Variants in DMD observed in about 807,000 individuals in gnomAD.
DMD encodes mutant dystrophin.
DMD carries 63 observed loss-of-function variants against 330.1 expected under a neutral mutation model. The ratio of observed to expected loss-of-function variants is 0.19; its 90% CI spans 0.16 to 0.24. The LOEUF is 0.24. Ranked by LOEUF, DMD falls within the 10% of genes least tolerant of loss-of-function variation. The probability of loss-of-function intolerance (pLI) is 1.00; values close to 1 mark genes in which losing one functional copy is unlikely to be tolerated. For synonymous variants in DMD, 1,223 were observed against 959.8 expected (o/e 1.27, Z -5.07); for missense variants, 3,344 against 2,684.1 (o/e 1.25, Z -5.43).
At chrX:32,831,296 G>T in intron 4 of DMD, among the ~76,000 whole-genome samples, 1 of 110,354 alleles carries the variant, frequency 9.1e-6, no homozygotes, top group Non-Finnish European at 1.9e-5. Flanking sequence ...ATCCCATGAT[G>T]GTTTACAGTA....
chrX:33,207,299 A>T (rs2051633559), intron 1 of DMD, among the ~76,000 whole-genome samples: 1 of 111,528 alleles, frequency 9.0e-6, no homozygotes, highest in African/African-American at 3.3e-5. Flanking sequence ...TAGAGGAGCC[A>T]TCTGGTTTAA....
chrX:32,527,814 G>A (rs936932874), intron 17 of DMD, among the ~76,000 whole-genome samples: 1 of 110,798 alleles, frequency 9.0e-6, no homozygotes, highest in South Asian at 3.8e-4. Flanking sequence ...TAGATAAATA[G>A]TTCCCTCTCC....
chrX:31,612,563 T>C (rs1274721410), intron 55 of DMD, among the ~76,000 whole-genome samples: 2 of 111,493 alleles, frequency 1.8e-5, no homozygotes, highest in South Asian at 7.5e-4. Flanking sequence ...AGAAGAGAGA[T>C]GAACTAAACT....
chrX:31,426,904 A>G (rs1329699974), intron 60 of DMD, among the ~76,000 whole-genome samples: 2 of 112,259 alleles, frequency 1.8e-5, no homozygotes, highest in Non-Finnish European at 3.8e-5. Context: ...GAACTCTAAA[A>G]TATTTAACTT....
intron 1 of DMD, among the ~76,000 whole-genome samples, chrX:33,119,302 T>C (rs2063941272): frequency 8.9e-6 from 1 of 112,489 alleles, no homozygotes; most frequent in African/African-American, 3.2e-5. Flanking sequence ...ATTGTAAGTA[T>C]TGTCTTCTTT....
intron 23 of DMD, among the ~76,000 whole-genome samples, chrX:32,465,582 G>GTTTTTTTTTTTTTTTTTTTTTTTTTTTT (rs1191063866): frequency 3.9e-5 from 3 of 76,665 alleles, no homozygotes; most frequent in African/African-American, 1.5e-4. Context: ...TTTGTTTTTT[G>GTTTTTTTTTTTTTTTTTTTTTTTTTTTT]TTTTTTTTTT....
intron 49 of DMD, among the ~76,000 whole-genome samples, chrX:31,828,404 G>A (rs1028697362): frequency 9.0e-6 from 1 of 111,016 alleles, no homozygotes; most frequent in Non-Finnish European, 1.9e-5. Flanking sequence ...GGTGGCTCAC[G>A]TCTGTGATTT....
At chrX:32,344,393 G>A (rs2097757440) in intron 39 of DMD, among the ~76,000 whole-genome samples, 1 of 111,832 alleles carries the variant, frequency 8.9e-6, no homozygotes, top group Non-Finnish European at 1.9e-5. Flanking sequence ...TTGGCGAGTA[G>A]TGTTGACGAT....
At chrX:31,317,711 C>T (rs1345671121) in intron 62 of DMD, among the ~76,000 whole-genome samples, 1 of 110,376 alleles carries the variant, frequency 9.1e-6, no homozygotes, top group Non-Finnish European at 1.9e-5. Context: ...CGGGGTTTCA[C>T]CATGTTAGCC....
intron 52 of DMD, among the ~76,000 whole-genome samples, chrX:31,720,380 T>C (rs182356580): frequency 2.2e-3 from 244 of 112,035 alleles, no homozygotes; most frequent in Non-Finnish European, 2.6e-3. Context: ...TTATCTAAAA[T>C]GCATGATGCC....
intron 36 of DMD, 117 bp downstream of exon 36, chrX:32,364,461 AAAGG>A: frequency 1.2e-6 from 1 of 841,306 alleles, no homozygotes; most frequent in Non-Finnish European, 1.7e-6. Context: ...AGGGAAAGAT[AAAGG>A]AAGGAAGAAA....
At chrX:31,546,677 C>T (rs772893241) in intron 55 of DMD, among the ~76,000 whole-genome samples, 1 of 112,295 alleles carries the variant, frequency 8.9e-6, no homozygotes, top group African/African-American at 3.2e-5. Flanking sequence ...ATTACCAGGG[C>T]AGCCCTCTAG....
At chrX:33,264,477 G>T (rs780973497) in intron 1 of DMD, among the ~76,000 whole-genome samples, 2 of 110,543 alleles carry the variant, frequency 1.8e-5, no homozygotes, top group Non-Finnish European at 3.8e-5. Context: ...CTAAAGTCTT[G>T]TTTAAAACTT....
At chrX:32,020,730 T>G (rs1439140850) in intron 44 of DMD, among the ~76,000 whole-genome samples, 2 of 112,445 alleles carry the variant, frequency 1.8e-5, no homozygotes, top group African/African-American at 6.5e-5. Flanking sequence ...ACCCAGTGGG[T>G]GTTTACCTTG....
At chrX:31,123,825 G>A (rs2033201409) in intron 78 of DMD, among the ~76,000 whole-genome samples, 5 of 111,827 alleles carry the variant, frequency 4.5e-5, no homozygotes, top group Middle Eastern at 9.2e-3. Flanking sequence ...AAACATCAAC[G>A]AAAAGGGGAG....
At chrX:31,529,034 C>T (rs779202296) in intron 55 of DMD, among the ~76,000 whole-genome samples, 2 of 110,691 alleles carry the variant, frequency 1.8e-5, no homozygotes, top group Non-Finnish European at 3.8e-5. Flanking sequence ...ACAGCCTGGC[C>T]AACATGGCGA....
In DMD at chrX:33,086,388, T is replaced by C. The variant is rs772272637; in HGVS notation, c.32-66188A>G. Among the ~76,000 whole-genome samples, 3 of 112,151 alleles carry C rather than the reference T, an allele frequency of 2.7e-5. No individual in the cohort carries two copies. In the East Asian group the frequency reaches 8.3e-4, roughly 31 times the overall value. ...TGTAATTAAAAAAAATAAAATACTT[T>C]TTTGTGATAAGTCAAAAACTAATTA... is the stretch of plus-strand genomic sequence containing the variant. On this transcript the variant is annotated intron_variant, in intron 1 of 78. Coordinates refer to ENST00000357033, the MANE Select transcript of DMD (RefSeq NM_004006.3).
intron 27 of DMD, among the ~76,000 whole-genome samples, chrX:32,442,959 G>A (rs2148238088): frequency 9.1e-6 from 1 of 110,412 alleles, no homozygotes; most frequent in South Asian, 3.8e-4. Context: ...ATATGTGTGT[G>A]GATTTTTTTT....
chrX:31,771,227 G>A (rs2090320121), intron 51 of DMD, among the ~76,000 whole-genome samples: 1 of 110,066 alleles, frequency 9.1e-6, no homozygotes, highest in Non-Finnish European at 1.9e-5. Context: ...CCATTTTACC[G>A]ACAATTTGGT....
Sources: gnomAD v4.1 joint callset for allele counts (sites outside exome capture counted in the v4.1 genomes callset) on GRCh38, gnomAD v4.1.1 for gene constraint, MANE v1.5 for transcripts, NCBI Gene and HGNC (gene_info 2026-07-23, HGNC 2026-07-21) for gene names.